OPN4: variants seen among roughly 807,000 people sequenced by gnomAD.
OPN4 encodes melanopsin.
A neutral mutation model predicts 49.5 loss-of-function variants in OPN4; 43 were observed. The ratio of observed to expected loss-of-function variants is 0.87; its 90% CI spans 0.68 to 1.12. The LOEUF (loss-of-function observed/expected upper bound fraction) is 1.12. Among genes scored for constraint, OPN4 ranks in the 50% most tolerant of loss-of-function variants. The pLI, the probability that OPN4 is intolerant of heterozygous loss-of-function variation, is 0.00. For synonymous variants in OPN4, 263 were observed against 258.0 expected (o/e 1.02, Z -0.19); for missense variants, 657 against 643.9 (o/e 1.02, Z -0.22).
chr10:86,664,514 C>T (rs1386133278), intron 9 of OPN4, among the ~76,000 whole-genome samples: 1 of 152,186 alleles, frequency 6.6e-6, no homozygotes, highest in Non-Finnish European at 1.5e-5. Flanking sequence ...TGTGCACAGG[C>T]TCCCAAGCAG....
At chr10:86,658,354 C>A in intron 3 of OPN4, 130 bp from the exon 4 acceptor site, 2 of 1,261,266 alleles carry the variant, frequency 1.6e-6, no homozygotes, top group African/African-American at 1.5e-5. Flanking sequence ...CCAGCCTTGG[C>A]CAGATGTGGC....
At position 86,657,534 on chromosome 10, in the gene OPN4, G is replaced by A. The variant is rs1321024478; in HGVS notation, c.291-498G>A. 2.6e-5 allele frequency among the ~76,000 whole-genome samples: 4 copies of A among 152,120 alleles called. No homozygotes were observed. In the East Asian group the frequency reaches 5.8e-4, roughly 22 times the overall value. On this transcript the variant is annotated intron_variant, in intron 2 of 9. Coordinates refer to ENST00000241891, the MANE Select transcript of OPN4 (RefSeq NM_033282.4). Reference sequence around the variant, plus strand: ...TGGAGGGAGAGTGGGAGGGGGACCCGCGGAGGAGGGAAGCGTGAGAAGCCA... The same window carrying A: ...TGGAGGGAGAGTGGGAGGGGGACCCACGGAGGAGGGAAGCGTGAGAAGCCA...
At chr10:86,656,358 G>A (rs1843865439) in intron 2 of OPN4, 58 bp downstream of exon 2, 1 of 1,536,072 alleles carries the variant, frequency 6.5e-7, no homozygotes, top group Non-Finnish European at 8.8e-7. Context: ...TGCAGACAGG[G>A]AAGAAAATGC....
chr10:86,657,906 C>T lies in OPN4; in HGVS notation c.291-126C>T, dbSNP rs1843908217. On this transcript the variant is annotated intron_variant, in intron 2 of 9. Transcript: ENST00000241891. ...CGGCAGCTCGTGCCTGTTTGCTTGC[C>T]CATGTGTGTGTGCATGTGTAAGTGT... 2.9e-6 allele frequency: 3 copies of T among 1,024,550 alleles called. No individual in the cohort carries two copies. The Admixed American group carries it at 7.0e-5, about 24-fold the overall frequency. The allele number at this position is 1,024,550 out of a possible 1,614,324, so 63.5% of individuals were successfully genotyped here.
chr10:86,660,221 G>A lies in OPN4; in HGVS notation c.965+162G>A, dbSNP rs145034985. 1.1e-3 allele frequency among the ~76,000 whole-genome samples: 164 copies of A among 152,346 alleles called. 2 individuals carry two copies. In the Middle Eastern group the frequency reaches 0.017, roughly 16 times the overall value. ...CTCCCTGGGTAAGGTGCCCAGCCCC[G>A]GGGTGGGTGGGGGGCCACCTAGTTC... On this transcript the variant is annotated intron_variant, in intron 6 of 9. Coordinates refer to ENST00000241891, the MANE Select transcript of OPN4 (RefSeq NM_033282.4).
At chr10:86,661,412 A>C (rs1589589928) in intron 7 of OPN4, 24 bp downstream of exon 7, 1 of 1,576,918 alleles carries the variant, frequency 6.3e-7, no homozygotes, top group Non-Finnish European at 8.7e-7. Flanking sequence ...CCAGAACCCC[A>C]CACCTTGGCC....
In OPN4 at chr10:86,666,437, G is replaced by T. The variant is rs1336977311; in HGVS notation, c.*686G>T. On this transcript the variant is annotated 3_prime_UTR_variant, in exon 10 of 10. Coordinates refer to ENST00000241891, the MANE Select transcript of OPN4 (RefSeq NM_033282.4). ...CTGACAGGGTATAGGAAAATAAAAAGCGGAGAAGGTGTCTTCAGACAAATA... is the reference window on the plus strand; with the variant it reads ...CTGACAGGGTATAGGAAAATAAAAATCGGAGAAGGTGTCTTCAGACAAATA... 2.8e-5 allele frequency: 6 copies of T among 211,742 alleles called. No individual in the cohort carries two copies. The highest frequency in any genetic ancestry group is 5.9e-5 in the Non-Finnish European group (6 of 102,544). The allele number at this position is 211,742 out of a possible 1,614,324, so 13.1% of individuals were successfully genotyped here.
chr10:86,665,779 GAGACACATCC>G lies in OPN4; in HGVS notation c.*31_*40del. 1 of 1,594,608 alleles carries G rather than the reference GAGACACATCC, an allele frequency of 6.3e-7. No individual in the cohort carries two copies. Reference sequence around the variant, plus strand: ...CGCCCACTGGCTCTCCCTTTCTTCTGAGACACATCCAGCCCCCCCACGTCTCCCTCATATA... The same window carrying G: ...CGCCCACTGGCTCTCCCTTTCTTCTGAGCCCCCCCACGTCTCCCTCATATA... On this transcript the variant is annotated 3_prime_UTR_variant, in exon 10 of 10. Coordinates refer to ENST00000241891, the MANE Select transcript of OPN4 (RefSeq NM_033282.4).
chr10:86,660,860 C>T (rs1206598903), intron 6 of OPN4, among the ~76,000 whole-genome samples: 1 of 152,248 alleles, frequency 6.6e-6, no homozygotes, highest in African/African-American at 2.4e-5. Context: ...GGCATGGTGG[C>T]TCACGCCTGT....
In OPN4 at chr10:86,662,308, G is replaced by C; in HGVS notation, c.1130G>C (p.Arg377Pro). Reference sequence around the variant, plus strand: ...GGGGTGCTGCTGGGTGTATCACGCCGGCACAGTCGCCCCTACCCCAGCTAC... The same window carrying C: ...GGGGTGCTGCTGGGTGTATCACGCCCGCACAGTCGCCCCTACCCCAGCTAC... Reference protein sequence around the residue: ...CLGVLLGVSRRHSRPYPSYRS... With the variant: ...CLGVLLGVSRPHSRPYPSYRS... Residue 377 changes from arginine to proline, a missense_variant, in exon 8 of 10, where the codon CGG becomes CCG. Transcript: ENST00000241891. The C allele has an allele frequency of 6.2e-7, 1 of 1,607,880 alleles. No individual in the cohort carries two copies. Among genetic ancestry groups the C allele is most frequent in the East Asian group, 2.2e-5 (1 of 44,716 alleles).
chr10:86,658,822 G>A (rs765792957), intron 4 of OPN4, 135 bp downstream of exon 4: 13 of 809,378 alleles, frequency 1.6e-5, no homozygotes, highest in Non-Finnish European at 2.6e-5. Context: ...AGGTGAGATG[G>A]ACATTCAGGG....
intron 4 of OPN4, 127 bp downstream of exon 4, chr10:86,658,814 G>A (rs1334278141): frequency 3.4e-6 from 3 of 878,608 alleles, no homozygotes; most frequent in Non-Finnish European, 5.3e-6. Flanking sequence ...TGAGCCTCAG[G>A]TGAGATGGAC....
At chr10:86,657,363 A>G in intron 2 of OPN4, 1 of 669,456 alleles carries the variant, frequency 1.5e-6, no homozygotes, top group Non-Finnish European at 2.8e-6. Context: ...GTAGATGCAA[A>G]GATGGATGAT....
intron 4 of OPN4, among the ~76,000 whole-genome samples, 155 bp downstream of exon 4, chr10:86,658,842 G>A (rs1174426588): frequency 3.9e-5 from 6 of 152,186 alleles, no homozygotes. Context: ...GGACATGACT[G>A]GCAGCAAGGG....
chr10:86,665,520 G>A (rs995274481), intron 9 of OPN4, among the ~76,000 whole-genome samples, 193 bp from the exon 10 acceptor site: 6 of 152,046 alleles, frequency 3.9e-5, no homozygotes, highest in African/African-American at 1.5e-4. Flanking sequence ...TGCTCTGTAG[G>A]CAGCGTTAGG....
chr10:86,658,160 A>G lies in OPN4; in HGVS notation c.419A>G (p.Glu140Gly). The change falls in exon 3 of 10, where the codon GAG becomes GGG. Residue 140 changes from glutamate (E) to glycine (G), a missense_variant. Coordinates refer to ENST00000241891, the MANE Select transcript of OPN4 (RefSeq NM_033282.4). ...CTCTATAAGCAGTGGCTCTTTGGGGAGACAGGTAGATGCTGGGGCTCCCTT... is the reference window on the plus strand; with the variant it reads ...CTCTATAAGCAGTGGCTCTTTGGGGGGACAGGTAGATGCTGGGGCTCCCTT... Reference protein sequence around the residue: ...SSLYKQWLFGETGCEFYAFCG... With the variant: ...SSLYKQWLFGGTGCEFYAFCG... The G allele has an allele frequency of 6.2e-7, 1 of 1,613,456 alleles. No individual in the cohort carries two copies.
chr10:86,661,416 C>G (rs1844004864), intron 7 of OPN4, 28 bp downstream of exon 7: 1 of 1,571,062 alleles, frequency 6.4e-7, no homozygotes, highest in Non-Finnish European at 8.7e-7. Flanking sequence ...AACCCCACAC[C>G]TTGGCCTCCA....
At position 86,659,654 on chromosome 10, in the gene OPN4, G is replaced by A. The variant is rs373572878; in HGVS notation, c.800+186G>A. ...CTCAGGAGACAAGGGCTTCTGGGGC[G>A]GGCTTTTCGGCATGGCAGAGGGAGG... On this transcript the variant is annotated intron_variant, in intron 5 of 9. Coordinates refer to ENST00000241891, the MANE Select transcript of OPN4 (RefSeq NM_033282.4). 1.9e-3 allele frequency among the ~76,000 whole-genome samples: 286 copies of A among 152,342 alleles called. 6 individuals carry two copies. The South Asian group carries it at 0.038, about 20-fold the overall frequency.
rs751359917 is a variant in OPN4, at chr10:86,661,255, TG to T, written c.966-22del. The stretch of plus-strand genomic sequence containing the variant: ...GGTGTGTCAGGAGGGCCAGCTAGCT[TG>T]GGGACCACACCTTCTCTGTCCTAGG... On this transcript the variant is annotated intron_variant, in intron 6 of 9. Transcript: ENST00000241891. The T allele has an allele frequency of 3.1e-6, 5 of 1,591,186 alleles. No individual in the cohort carries two copies. In the East Asian group the frequency reaches 8.9e-5, roughly 28 times the overall value.
Sources: gnomAD v4.1 joint callset for allele counts (sites outside exome capture counted in the v4.1 genomes callset) on GRCh38, gnomAD v4.1.1 for gene constraint, MANE v1.5 for transcripts, NCBI Gene and HGNC (gene_info 2026-07-23, HGNC 2026-07-21) for gene names.